SLC35E2B: variants seen among roughly 807,000 people sequenced by gnomAD.
SLC35E2B encodes the protein solute carrier family 35, member E2B.
A neutral mutation model predicts 32.4 loss-of-function variants in SLC35E2B; 18 were observed. That is an observed-to-expected ratio of 0.56 (90% CI 0.38 to 0.82). The LOEUF is 0.82. SLC35E2B is among the 40% of genes least tolerant of loss of function. The pLI is 0.00. For missense variants in SLC35E2B, 263 were observed against 469.5 expected (o/e 0.56, Z 4.06); for synonymous variants, 132 against 209.1 (o/e 0.63, Z 3.18).
chr1:1,672,463 G>A (rs1557755288), intron 5 of SLC35E2B: 1 of 152,254 alleles, frequency 6.6e-6, no homozygotes. Flanking sequence ...TCCAGCCAGA[G>A]GGGCGTCCTC....
intron 9 of SLC35E2B, among the ~76,000 whole-genome samples, chr1:1,667,784 T>C (rs1289962690): frequency 6.6e-6 from 1 of 152,106 alleles, no homozygotes; most frequent in Non-Finnish European, 1.5e-5. Context: ...CAGAGACTTC[T>C]AGTGGAGATT....
Position 1,665,611 on chromosome 1 carries a change from C to T in SLC35E2B, c.*171G>A, listed in dbSNP as rs1643521228. 1.9e-6 allele frequency: 2 copies of T among 1,055,258 alleles called. No homozygotes were observed. The highest frequency in any genetic ancestry group is 1.6e-5 in the African/African-American group (1 of 62,246). The allele number at this position is 1,055,258 out of a possible 1,614,324, so 65.4% of individuals were successfully genotyped here. Reference sequence around the variant, plus strand: ...CTCCAGGAAGCTGATACCTGGAATCCCCAGTTTGAGTTTCTGCTGGTCTTC... The same window carrying T: ...CTCCAGGAAGCTGATACCTGGAATCTCCAGTTTGAGTTTCTGCTGGTCTTC... On this transcript the variant is annotated 3_prime_UTR_variant, in exon 10 of 10. Transcript: ENST00000617444.
rs117009869 is a variant in SLC35E2B at position 1,668,809 on chromosome 1, G to A, written c.835-337C>T. Among the ~76,000 whole-genome samples, 376 of 152,144 alleles carry A rather than the reference G, an allele frequency of 2.5e-3. 3 individuals carry two copies. The East Asian group carries it at 0.046, about 19-fold the overall frequency. On this transcript the variant is annotated intron_variant, in intron 8 of 9. Transcript: ENST00000617444. ...CGGGCATGGCCAGTCTGGCCAACAC[G>A]GTGAAACCTCGTCTCTGCTAAAAAC...
intron 8 of SLC35E2B, 119 bp downstream of exon 8, chr1:1,669,545 C>A (rs1643630229): frequency 2.9e-6 from 3 of 1,034,104 alleles, no homozygotes; most frequent in Admixed American, 2.8e-5. Flanking sequence ...GCAGGACCCG[C>A]AGCGGAGCTG....
At chr1:1,677,773 C>T (rs1333785571) in intron 2 of SLC35E2B, among the ~76,000 whole-genome samples, 14 of 151,916 alleles carry the variant, frequency 9.2e-5, no homozygotes, top group African/African-American at 3.4e-4. Flanking sequence ...TCTAGACAGA[C>T]TCCGTGGTAT....
rs1467920439 is a variant in SLC35E2B, at chr1:1,665,699, C to G, written c.*83G>C. The stretch of plus-strand genomic sequence containing the variant: ...TAGCTCCCCATGTCCTGCACCCCAG[C>G]AGGGCCATGGAGGAGGGCGTCCCTG... On this transcript the variant is annotated 3_prime_UTR_variant, in exon 10 of 10. Coordinates refer to ENST00000617444, the MANE Select transcript of SLC35E2B (RefSeq NM_001290264.2). The G allele has an allele frequency of 6.0e-6, 9 of 1,507,818 alleles. No individual in the cohort carries two copies. Among genetic ancestry groups the G allele is most frequent in the Non-Finnish European group, 8.0e-6 (9 of 1,122,718 alleles). The allele number at this position is 1,507,818 out of a possible 1,614,324, so 93.4% of individuals were successfully genotyped here. A position where few individuals can be genotyped will look rare whatever the true frequency, so the allele number is the denominator to read the frequency against.
chr1:1,671,018 C>G (rs1182925601), intron 6 of SLC35E2B: 1 of 152,378 alleles, frequency 6.6e-6, no homozygotes, highest in African/African-American at 2.4e-5. Flanking sequence ...ATAACAGGGC[C>G]CTCTCCTCTG....
At chr1:1,671,275 T>A in intron 6 of SLC35E2B, 2 of 376,982 alleles carry the variant, frequency 5.3e-6, no homozygotes, top group Non-Finnish European at 9.4e-6. Flanking sequence ...GCTAACCGTG[T>A]CTCCATGGTT....
chr1:1,670,491 G>C (rs901165415), intron 6 of SLC35E2B: 5 of 195,588 alleles, frequency 2.6e-5, no homozygotes, highest in African/African-American at 9.7e-5. Context: ...GCGCAATCTC[G>C]GCTCACTGCA....
intron 2 of SLC35E2B, among the ~76,000 whole-genome samples, chr1:1,680,580 C>T (rs573911516): frequency 6.6e-6 from 1 of 152,266 alleles, no homozygotes; most frequent in Admixed American, 6.5e-5. Context: ...TCCCACAGCC[C>T]TGCCCCGGCT....
chr1:1,688,952 A>T (rs1315858646), intron 2 of SLC35E2B, among the ~76,000 whole-genome samples: 1 of 151,868 alleles, frequency 6.6e-6, no homozygotes, highest in Non-Finnish European at 1.5e-5. Context: ...TGGGCGCATC[A>T]CGAGGTCAGG....
At chr1:1,686,316 TTTTTC>T (rs1557766346) in intron 2 of SLC35E2B, among the ~76,000 whole-genome samples, 5 of 128,300 alleles carry the variant, frequency 3.9e-5, no homozygotes, top group African/African-American at 1.6e-4. Context: ...CTTTTCTTTT[TTTTTC>T]TTTTTTTTTT....
chr1:1,688,470 C>T (rs1643978954), intron 2 of SLC35E2B, among the ~76,000 whole-genome samples: 1 of 151,596 alleles, frequency 6.6e-6, no homozygotes, highest in Admixed American at 6.6e-5. Context: ...CATGATGGCG[C>T]GTGCCTGTAA....
At chr1:1,667,019 C>G (rs1331738075) in intron 9 of SLC35E2B, among the ~76,000 whole-genome samples, 2 of 13,952 alleles carry the variant, frequency 1.4e-4, no homozygotes, top group East Asian at 4.8e-4. Flanking sequence ...GCAGGAGAAT[C>G]ACTTCAACCC....
In SLC35E2B at chr1:1,690,066, G is replaced by A. The variant is rs1190148031; in HGVS notation, c.-148+910C>T. 2.0e-5 allele frequency among the ~76,000 whole-genome samples: 3 copies of A among 150,224 alleles called. 1 individual carries two copies. The highest frequency in any genetic ancestry group is 4.4e-5 in the Non-Finnish European group (3 of 67,442). ...GGAGGCTGAGGTGGGTGGATCACCTGAGGTTGGGAGTTCCAGATCAGTCTG... is the reference window on the plus strand; with the variant it reads ...GGAGGCTGAGGTGGGTGGATCACCTAAGGTTGGGAGTTCCAGATCAGTCTG... On this transcript the variant is annotated intron_variant, in intron 2 of 9. Transcript: ENST00000617444.
chr1:1,671,665 G>A lies in SLC35E2B; in HGVS notation c.587-36C>T, dbSNP rs777322956. The A allele has an allele frequency of 5.3e-5, 79 of 1,482,198 alleles. 1 individual carries two copies. The highest frequency in any genetic ancestry group is 1.3e-4 in the African/African-American group (9 of 70,658). 91.8% of individuals were successfully genotyped at this position (1,482,198 alleles called of 1,614,324 possible). On this transcript the variant is annotated intron_variant, in intron 5 of 9. Coordinates refer to ENST00000617444, the MANE Select transcript of SLC35E2B (RefSeq NM_001290264.2). ...GACAGCCCCTGTGAGTGGCTGACCC[G>A]CCGGGCGGACGCTCCCTCCCGAGGG...
chr1:1,677,654 A>ATT lies in SLC35E2B; in HGVS notation c.-147-810_-147-809dup, dbSNP rs879460227. 1.3e-3 allele frequency among the ~76,000 whole-genome samples: 183 copies of ATT among 138,578 alleles called. 5 individuals carry two copies. The highest frequency in any genetic ancestry group is 8.7e-3 in the East Asian group (42 of 4,830). 90.9% of individuals were successfully genotyped at this position (138,578 alleles called of 152,430 possible). On this transcript the variant is annotated intron_variant, in intron 2 of 9. Coordinates refer to ENST00000617444, the MANE Select transcript of SLC35E2B (RefSeq NM_001290264.2). The stretch of plus-strand genomic sequence containing the variant: ...CACCACGTCCGGCTAATTTTTTGTA[A>ATT]TTTTTTTTTTTTTAGTAGAGACGGG...
At chr1:1,666,125 G>A (rs971765940) in intron 9 of SLC35E2B, 106 bp from the exon 10 acceptor site, 3 of 1,325,886 alleles carry the variant, frequency 2.3e-6, no homozygotes, top group South Asian at 1.5e-5. Flanking sequence ...TGGGGTTGGG[G>A]GACTCAGCGT....
At chr1:1,675,107 G>A (rs1170952714) in intron 5 of SLC35E2B, among the ~76,000 whole-genome samples, 3 of 151,160 alleles carry the variant, frequency 2.0e-5, no homozygotes, top group African/African-American at 4.9e-5. Flanking sequence ...GGCCGCCTGT[G>A]TGGTGCTGGC....
Sources: gnomAD v4.1 joint callset for allele counts (sites outside exome capture counted in the v4.1 genomes callset) on GRCh38, gnomAD v4.1.1 for gene constraint, MANE v1.5 for transcripts, NCBI Gene and HGNC (gene_info 2026-07-23, HGNC 2026-07-21) for gene names.